The following GPC3 variants were observed in gnomAD, a reference collection of about 807,000 sequenced individuals.
GPC3 encodes the protein glypican 3.
Under a neutral mutation model 34.4 loss-of-function variants are expected in GPC3, and 3 were observed. The ratio of observed to expected loss-of-function variants is 0.09; its 90% CI spans 0.04 to 0.23. GPC3 has a LOEUF of 0.23. Ranked by LOEUF, GPC3 falls within the 10% of genes least tolerant of loss-of-function variation. The pLI is 1.00. For synonymous variants in GPC3, 177 were observed against 174.0 expected (o/e 1.02, Z -0.13); for missense variants, 351 against 445.6 (o/e 0.79, Z 1.91).
At chrX:133,867,450 G>A (rs774509870) in intron 2 of GPC3, among the ~76,000 whole-genome samples, 3 of 110,353 alleles carry the variant, frequency 2.7e-5, no homozygotes, top group South Asian at 3.9e-4. Flanking sequence ...CAAGTCATCC[G>A]CTAGCAGAAT....
At chrX:133,879,805 C>CAA (rs35447286) in intron 2 of GPC3, among the ~76,000 whole-genome samples, 54 of 90,432 alleles carry the variant, frequency 6.0e-4, no homozygotes, top group Non-Finnish European at 7.8e-4. Flanking sequence ...GACTCCATCT[C>CAA]AAAAAAAAAA....
At chrX:133,720,295 T>G (rs1220973132) in intron 3 of GPC3, among the ~76,000 whole-genome samples, 3 of 112,485 alleles carry the variant, frequency 2.7e-5, no homozygotes, top group Non-Finnish European at 3.8e-5. Context: ...TGATATGGTT[T>G]CACTGTGTCC....
At chrX:133,871,367 A>G (rs1350943314) in intron 2 of GPC3, among the ~76,000 whole-genome samples, 2 of 111,281 alleles carry the variant, frequency 1.8e-5, no homozygotes, top group Non-Finnish European at 3.8e-5. Flanking sequence ...CTTTTCCTCA[A>G]TGTTTCTTAC....
At chrX:133,809,367 G>A (rs2075652912) in intron 2 of GPC3, among the ~76,000 whole-genome samples, 1 of 111,669 alleles carries the variant, frequency 9.0e-6, no homozygotes, top group Admixed American at 9.5e-5. Context: ...GAGAGGAGGG[G>A]AAAAGTATCA....
At chrX:133,717,608 C>T (rs1171736120) in intron 3 of GPC3, among the ~76,000 whole-genome samples, 12 of 110,800 alleles carry the variant, frequency 1.1e-4, no homozygotes, top group African/African-American at 3.6e-4. Flanking sequence ...AACCCTCTCA[C>T]GAGGACCCCC....
At chrX:133,904,851 C>A (rs374253348) in intron 2 of GPC3, among the ~76,000 whole-genome samples, 17 of 111,644 alleles carry the variant, frequency 1.5e-4, no homozygotes, top group African/African-American at 4.9e-4. Context: ...AACATTGAGG[C>A]CTAGATCTAT....
At chrX:133,666,536 T>G (rs1280496281) in intron 5 of GPC3, among the ~76,000 whole-genome samples, 1 of 112,359 alleles carries the variant, frequency 8.9e-6, no homozygotes. Flanking sequence ...AGTGGCACTA[T>G]TTAAAAACTC....
At chrX:133,933,118 C>T (rs919618589) in intron 2 of GPC3, among the ~76,000 whole-genome samples, 3 of 111,000 alleles carry the variant, frequency 2.7e-5, no homozygotes, top group African/African-American at 9.8e-5. Flanking sequence ...AATTAAAGCT[C>T]AACAAACATT....
chrX:133,865,217 C>T (rs2075961348), intron 2 of GPC3, among the ~76,000 whole-genome samples: 1 of 112,067 alleles, frequency 8.9e-6, no homozygotes, highest in Admixed American at 9.5e-5. Context: ...ATCACTGCAA[C>T]CATAGTTTCT....
At position 133,699,950 on chromosome X, in the gene GPC3, T is replaced by C. The variant is rs755221081; in HGVS notation, c.1111A>G (p.Lys371Glu). 8.3e-7 allele frequency: 1 copy of C among 1,199,320 alleles called. No homozygotes were observed. Among genetic ancestry groups the C allele is most frequent in the South Asian group, 1.8e-5 (1 of 56,330 alleles). The change falls in exon 4 of 8, where the codon AAA becomes GAA. Residue 371 changes from lysine to glutamate, a missense_variant. By Grantham distance (56) the Lys-to-Glu change is moderately conservative. Coordinates refer to ENST00000370818, the MANE Select transcript of GPC3 (RefSeq NM_004484.4). The part of the protein sequence containing the change: ...YYPEDLFIDK[K>E]VLKVAHVEHE... ...TCTACATGAGCAACTTTTAATACTT[T>C]CTTGTCAATAAAGAGATCTTCAGGA...
At chrX:133,589,284 G>A (rs773767624) in intron 7 of GPC3, among the ~76,000 whole-genome samples, 1 of 111,871 alleles carries the variant, frequency 8.9e-6, no homozygotes, top group South Asian at 3.8e-4. Context: ...GGACCCTGCG[G>A]GAGGTAATTG....
chrX:133,818,268 G>T (rs2075702031), intron 2 of GPC3, among the ~76,000 whole-genome samples: 2 of 111,963 alleles, frequency 1.8e-5, no homozygotes, highest in Non-Finnish European at 3.8e-5. Flanking sequence ...AAGCTAGACA[G>T]ATCAAATTTG....
intron 2 of GPC3, among the ~76,000 whole-genome samples, chrX:133,779,554 T>A (rs1021897036): frequency 2.7e-5 from 3 of 112,000 alleles, no homozygotes; most frequent in Non-Finnish European, 5.6e-5. Context: ...ACAAAATGAT[T>A]AGAACACTGT....
Position 133,869,913 on chromosome X carries a change from C to T in GPC3, c.337+83137G>A, listed in dbSNP as rs150494763. The stretch of plus-strand genomic sequence containing the variant: ...GAGCTTGCAGTGAGCCGAGATCACG[C>T]CTCTGCACTCCAGCCTAGGCGATAG... On this transcript the variant is annotated intron_variant, in intron 2 of 7. Coordinates refer to ENST00000370818, the MANE Select transcript of GPC3 (RefSeq NM_004484.4). Among the ~76,000 whole-genome samples, 524 of 112,317 alleles carry T rather than the reference C, an allele frequency of 4.7e-3. 5 individuals are homozygous for T. The highest frequency in any genetic ancestry group is 0.016 in the African/African-American group (498 of 30,933).
At chrX:133,594,766 G>T (rs1464809552) in intron 7 of GPC3, among the ~76,000 whole-genome samples, 3 of 111,036 alleles carry the variant, frequency 2.7e-5, no homozygotes, top group African/African-American at 6.6e-5. Flanking sequence ...CACACAAGAT[G>T]AAAATGTTCT....
At chrX:133,669,767 T>C (rs1171560415) in intron 5 of GPC3, among the ~76,000 whole-genome samples, 2 of 112,653 alleles carry the variant, frequency 1.8e-5, no homozygotes, top group Non-Finnish European at 3.7e-5. Flanking sequence ...TGAGAGATGT[T>C]CCTACCTCCC....
intron 3 of GPC3, among the ~76,000 whole-genome samples, chrX:133,727,311 T>C (rs1308944710): frequency 9.0e-6 from 1 of 110,996 alleles, no homozygotes; most frequent in African/African-American, 3.3e-5. Flanking sequence ...TTCGGGAGGC[T>C]GAGGTGGGTG....
At chrX:133,847,676 T>A (rs2075853002) in intron 2 of GPC3, among the ~76,000 whole-genome samples, 1 of 112,023 alleles carries the variant, frequency 8.9e-6, no homozygotes, top group South Asian at 3.8e-4. Flanking sequence ...GAATTAACTG[T>A]TTTCCAAACT....
chrX:133,810,578 C>T (rs1185282407), intron 2 of GPC3, among the ~76,000 whole-genome samples: 1 of 111,542 alleles, frequency 9.0e-6, no homozygotes, highest in African/African-American at 3.3e-5. Context: ...GTACTTCCAT[C>T]TTGGTAGAGA....
Sources: gnomAD v4.1 joint callset for allele counts (sites outside exome capture counted in the v4.1 genomes callset) on GRCh38, gnomAD v4.1.1 for gene constraint, MANE v1.5 for transcripts, NCBI Gene and HGNC (gene_info 2026-07-23, HGNC 2026-07-21) for gene names.